The following STPG2 variants were observed in gnomAD, a reference collection of about 807,000 sequenced individuals.
STPG2 encodes sperm tail PG-rich repeat containing 2.
Under a neutral mutation model 54.2 loss-of-function variants are expected in STPG2, and 56 were observed. The observed-to-expected ratio is 1.03, with a 90% CI of 0.83 to 1.29. The LOEUF (loss-of-function observed/expected upper bound fraction) is 1.29. Ranked by LOEUF, STPG2 falls within the 50% of genes most tolerant of loss-of-function variation. The pLI is 0.00. For synonymous variants in STPG2, 200 were observed against 181.8 expected, an observed-to-expected ratio of 1.10 and a Z score of -0.81; for missense variants, 596 against 544.9, an observed-to-expected ratio of 1.09 and a Z score of -0.93.
intron 8 of STPG2, among the ~76,000 whole-genome samples, chr4:97,908,781 C>T (rs1039715198): frequency 1.5e-4 from 23 of 149,274 alleles, no homozygotes; most frequent in African/African-American, 2.7e-4. Context: ...AACCAAACAC[C>T]GCATATTCTC....
intron 9 of STPG2, among the ~76,000 whole-genome samples, chr4:97,755,413 T>C (rs138921047): frequency 6.6e-6 from 1 of 152,348 alleles, no homozygotes; most frequent in Admixed American, 6.5e-5. Context: ...TTTTCTATTG[T>C]AAGAATTCAT....
chr4:97,544,014 G>A (rs1235343172), intron 4 of STPG2, among the ~76,000 whole-genome samples: 1 of 151,906 alleles, frequency 6.6e-6, no homozygotes, highest in Non-Finnish European at 1.5e-5. Context: ...AATAGAATGT[G>A]GTTCAACAAA....
chr4:97,564,478 G>A (rs910152473), intron 10 of STPG2, among the ~76,000 whole-genome samples: 1 of 152,180 alleles, frequency 6.6e-6, no homozygotes, highest in African/African-American at 2.4e-5. Flanking sequence ...CTGTCATTAT[G>A]ATGTTAGCTG....
chr4:97,682,772 G>A (rs1723072610), intron 10 of STPG2, among the ~76,000 whole-genome samples: 1 of 151,782 alleles, frequency 6.6e-6, no homozygotes, highest in Non-Finnish European at 1.5e-5. Context: ...ACAGGTTTAT[G>A]TAGTGAAATT....
chr4:97,904,173 G>T (rs1009792061), intron 8 of STPG2, among the ~76,000 whole-genome samples: 1 of 152,208 alleles, frequency 6.6e-6, no homozygotes, highest in Non-Finnish European at 1.5e-5. Flanking sequence ...AAAGACAGCA[G>T]TAACCTCTGC....
At chr4:98,051,414 T>C (rs972557536) in intron 5 of STPG2, among the ~76,000 whole-genome samples, 5 of 152,084 alleles carry the variant, frequency 3.3e-5, no homozygotes, top group Admixed American at 3.3e-4. Context: ...GTTGATGGCA[T>C]TGGGAAATGG....
intron 4 of STPG2, among the ~76,000 whole-genome samples, chr4:97,547,053 A>AT (rs1731848987): frequency 6.6e-6 from 1 of 152,198 alleles, no homozygotes; most frequent in Non-Finnish European, 1.5e-5. Context: ...AAGAGTTAGA[A>AT]GAGCTAGAAG....
At chr4:97,569,094 A>C (rs1732533138) in intron 10 of STPG2, among the ~76,000 whole-genome samples, 2 of 152,176 alleles carry the variant, frequency 1.3e-5, no homozygotes, top group Non-Finnish European at 2.9e-5. Flanking sequence ...TGGGCTGCTC[A>C]ACTGAGTATA....
chr4:97,627,948 T>C (rs1734177115), intron 10 of STPG2, among the ~76,000 whole-genome samples: 1 of 152,166 alleles, frequency 6.6e-6, no homozygotes, highest in South Asian at 2.1e-4. Flanking sequence ...TCCCTATTCC[T>C]CTGTCTTTTT....
intron 9 of STPG2, among the ~76,000 whole-genome samples, chr4:97,759,881 T>A (rs902058460): frequency 6.6e-6 from 1 of 152,172 alleles, no homozygotes; most frequent in Non-Finnish European, 1.5e-5. Flanking sequence ...AAGAGCTTCC[T>A]AACTATTAAT....
At chr4:98,126,066 G>A (rs1739821242) in intron 3 of STPG2, among the ~76,000 whole-genome samples, 1 of 152,178 alleles carries the variant, frequency 6.6e-6, no homozygotes, top group Non-Finnish European at 1.5e-5. Flanking sequence ...CCCCTCCCCT[G>A]GGGAACTCAG....
intron 8 of STPG2, among the ~76,000 whole-genome samples, chr4:97,850,744 G>C (rs545955752): frequency 1.3e-5 from 2 of 152,028 alleles, no homozygotes; most frequent in Non-Finnish European, 2.9e-5. Context: ...TCTTTGCATT[G>C]GTTAAAACTG....
chr4:97,460,789 A>C (rs1340251790), intron 4 of STPG2, among the ~76,000 whole-genome samples: 1 of 152,244 alleles, frequency 6.6e-6, no homozygotes, highest in Non-Finnish European at 1.5e-5. Flanking sequence ...AGCCTGCAAT[A>C]GCCACAAGAA....
At chr4:98,121,305 G>C (rs1739672784) in intron 3 of STPG2, among the ~76,000 whole-genome samples, 1 of 152,170 alleles carries the variant, frequency 6.6e-6, no homozygotes, top group African/African-American at 2.4e-5. Flanking sequence ...TTGTAATATA[G>C]GTTGAAGTCA....
chr4:97,785,943 G>A (rs145092986), intron 9 of STPG2, among the ~76,000 whole-genome samples: 2 of 151,956 alleles, frequency 1.3e-5, no homozygotes, highest in Admixed American at 6.6e-5. Flanking sequence ...ACTTAGTGTC[G>A]GTGAGAGTTG....
chr4:97,604,310 G>T (rs942883666), intron 10 of STPG2, among the ~76,000 whole-genome samples: 2 of 151,618 alleles, frequency 1.3e-5, no homozygotes, highest in African/African-American at 4.8e-5. Flanking sequence ...AACTGGGAAC[G>T]CTTTAATAAT....
intron 3 of STPG2, among the ~76,000 whole-genome samples, chr4:98,120,366 AC>A (rs1306408507): frequency 6.6e-6 from 1 of 152,110 alleles, no homozygotes; most frequent in Non-Finnish European, 1.5e-5. Flanking sequence ...GGCATGAGCC[AC>A]CACGCCCAGC....
intron 9 of STPG2, among the ~76,000 whole-genome samples, chr4:97,740,741 T>C (rs1221197670): frequency 6.6e-6 from 1 of 152,202 alleles, no homozygotes; most frequent in Admixed American, 6.5e-5. Context: ...GAACATTCAA[T>C]GCTCATGAGT....
intron 7 of STPG2, among the ~76,000 whole-genome samples, chr4:97,945,524 C>T (rs943522103): frequency 6.6e-6 from 1 of 152,062 alleles, no homozygotes; most frequent in East Asian, 1.9e-4. Flanking sequence ...TAAACATACA[C>T]ATGCAGGTGT....
Sources: gnomAD v4.1 joint callset for allele counts (sites outside exome capture counted in the v4.1 genomes callset) on GRCh38, gnomAD v4.1.1 for gene constraint, MANE v1.5 for transcripts, NCBI Gene and HGNC (gene_info 2026-07-23, HGNC 2026-07-21) for gene names.